The following PIWIL1 variants were observed in gnomAD, a reference collection of about 807,000 sequenced individuals.
The protein encoded by PIWIL1 is piwi like RNA-mediated gene silencing 1, also known as piwi-like protein 1.
A neutral mutation model predicts 114.4 loss-of-function variants in PIWIL1; 73 were observed. The observed-to-expected ratio is 0.64, with a 90% CI of 0.53 to 0.78. The LOEUF is 0.78. Ranked by LOEUF, PIWIL1 falls within the 30% of genes least tolerant of loss-of-function variation. The pLI is 0.00. For missense variants in PIWIL1, 723 were observed against 1,063.1 expected, an observed-to-expected ratio of 0.68 and a Z score of 4.45; for synonymous variants, 375 against 369.0, an observed-to-expected ratio of 1.02 and a Z score of -0.19.
chr12:130,368,711 A>C (rs1399016359), intron 19 of PIWIL1, among the ~76,000 whole-genome samples: 1 of 152,058 alleles, frequency 6.6e-6, no homozygotes, highest in Non-Finnish European at 1.5e-5. Context: ...CATTGCTACT[A>C]CTCCTAACGC....
At chr12:130,338,798 G>T (rs1188771932) in intron 1 of PIWIL1, among the ~76,000 whole-genome samples, 4 of 137,258 alleles carry the variant, frequency 2.9e-5, no homozygotes, top group African/African-American at 5.5e-5. Context: ...AGGTGTGGGG[G>T]GTGCGGGGCC....
chr12:130,355,687 GTGT>G lies in PIWIL1; in HGVS notation c.1404+31_1404+33del, dbSNP rs532198358. ...AAAACAGTAAGGCAGTTTTTCGTTG[GTGT>G]TGTTGTTGTTTTTGAGACGGAGTCT... On this transcript the variant is annotated intron_variant, in intron 12 of 20. Transcript: ENST00000245255. The G allele has an allele frequency of 2.2e-4, 340 of 1,534,428 alleles. 1 individual carries two copies. The African/African-American group carries it at 2.6e-3, about 12-fold the overall frequency.
the PIWIL1 span, chr12:130,422,612 G>A: frequency 6.9e-6 from 9 of 1,311,652 alleles, no homozygotes; most frequent in African/African-American, 1.2e-4. The surrounding 1 kb of genome is among the most constrained non-coding windows in gnomAD (Gnocchi z 5.2). Flanking sequence ...ATTGGGAACT[G>A]AAGAATTCAG....
At chr12:130,340,413 C>T (rs1367069952) in intron 1 of PIWIL1, among the ~76,000 whole-genome samples, 1 of 151,884 alleles carries the variant, frequency 6.6e-6, no homozygotes, top group African/African-American at 2.4e-5. Flanking sequence ...GGTTCCACCT[C>T]GGATTATCAG....
At chr12:130,374,079 G>C (rs145995588), downstream of PIWIL1, among the ~76,000 whole-genome samples, 22 of 152,292 alleles carry the variant, frequency 1.4e-4, no homozygotes, top group Middle Eastern at 3.4e-3. Flanking sequence ...GTGCATGCCT[G>C]TAGGAAGTCT....
the PIWIL1 span, among the ~76,000 whole-genome samples, chr12:130,384,548 G>A: frequency 1.1e-4 from 16 of 152,304 alleles, no homozygotes; most frequent in East Asian, 3.9e-4. Flanking sequence ...AATGACATAC[G>A]TTGAATGGCA....
chr12:130,407,589 G>A, the PIWIL1 span: 14 of 773,460 alleles, frequency 1.8e-5, no homozygotes, highest in East Asian at 4.9e-5. Context: ...GCCATCCCTC[G>A]GATCGGCAGC....
At chr12:130,409,064 A>T in the PIWIL1 span, among the ~76,000 whole-genome samples, 1 of 152,210 alleles carries the variant, frequency 6.6e-6, no homozygotes, top group African/African-American at 2.4e-5. Flanking sequence ...AGGGAATGTT[A>T]CAAGTATGAC....
At chr12:130,349,460 CAAT>C (rs2073155479) in intron 8 of PIWIL1, 24 bp downstream of exon 8, 1 of 1,507,600 alleles carries the variant, frequency 6.6e-7, no homozygotes, top group African/African-American at 1.4e-5. Context: ...TTAAAGTGCA[CAAT>C]AATTTTTTGT....
chr12:130,353,256 ATGCTCAGTGGAGG>A (rs2073265013), intron 9 of PIWIL1, among the ~76,000 whole-genome samples: 2 of 118,520 alleles, frequency 1.7e-5, no homozygotes, highest in Admixed American at 8.5e-5. Flanking sequence ...TTCTCCTGGT[ATGCTCAGTGGAGG>A]TGTGTGTGTG....
chr12:130,345,502 G>T, intron 3 of PIWIL1: 1 of 380,328 alleles, frequency 2.6e-6, no homozygotes, highest in Non-Finnish European at 4.8e-6. Flanking sequence ...GATTCAAGGT[G>T]CACATCTCTT....
At chr12:130,393,362 G>A in the PIWIL1 span, among the ~76,000 whole-genome samples, 1 of 125,662 alleles carries the variant, frequency 8.0e-6, no homozygotes. Context: ...CAGTTACCTG[G>A]TGCATATTGA....
Position 130,343,117 on chromosome 12 carries a change from A to G in PIWIL1, c.190+16A>G, listed in dbSNP as rs371905414. On this transcript the variant is annotated intron_variant, in intron 3 of 20. Transcript: ENST00000245255. The stretch of plus-strand genomic sequence containing the variant: ...AAGTCACAAGGTGAAGAGAAAGTAA[A>G]AGGAAGTCTTAACAACTCTGTTCAA... 6.3e-7 allele frequency: 1 copy of G among 1,581,922 alleles called. No homozygotes were observed. Among genetic ancestry groups the G allele is most frequent in the South Asian group, 1.1e-5 (1 of 88,708 alleles).
the PIWIL1 span, among the ~76,000 whole-genome samples, chr12:130,386,231 G>C: frequency 6.6e-6 from 1 of 152,104 alleles, no homozygotes; most frequent in Non-Finnish European, 1.5e-5. Context: ...AATTGGAGCT[G>C]TCATAATCCT....
intron 6 of PIWIL1, 117 bp from the exon 7 acceptor site, chr12:130,347,985 TG>T: frequency 1.7e-6 from 1 of 593,598 alleles, no homozygotes; most frequent in South Asian, 2.4e-5. Flanking sequence ...GCAGGTAGGT[TG>T]GATTTGGCCT....
At chr12:130,374,064 C>G (rs1482993415), downstream of PIWIL1, among the ~76,000 whole-genome samples, 1 of 152,110 alleles carries the variant, frequency 6.6e-6, no homozygotes, top group African/African-American at 2.4e-5. Context: ...GGTGGTTCCC[C>G]AAAAGTGCAT....
At chr12:130,424,412 GC>G in the PIWIL1 span, 2 of 1,232,752 alleles carry the variant, frequency 1.6e-6, no homozygotes, top group Non-Finnish European at 2.0e-6. This position sits in a 1 kb window ranked among gnomAD's most constrained non-coding sequence, Gnocchi z 9.8. Flanking sequence ...GCGGCCTCGG[GC>G]CCCTCCTGCA....
downstream of PIWIL1, among the ~76,000 whole-genome samples, chr12:130,374,582 G>A (rs12231516): frequency 0.058 from 8,802 of 152,156 alleles, 568 homozygotes; most frequent in East Asian, 0.37. Context: ...TCTGAGTTAA[G>A]CTGCCCTTCA....
the PIWIL1 span, among the ~76,000 whole-genome samples, chr12:130,411,743 T>G: frequency 6.6e-6 from 1 of 152,194 alleles, no homozygotes; most frequent in South Asian, 2.1e-4. Context: ...CTCATGGATT[T>G]AATGTGGGCG....
Sources: gnomAD v4.1 joint callset for allele counts (sites outside exome capture counted in the v4.1 genomes callset) on GRCh38, gnomAD v4.1.1 for gene constraint, Gnocchi (gnomAD v3.1) non-coding constraint, MANE v1.5 for transcripts, NCBI Gene and HGNC (gene_info 2026-07-23, HGNC 2026-07-21) for gene names.